The following MCCC2 variants were observed in gnomAD, a reference collection of about 807,000 sequenced individuals.
The protein encoded by MCCC2 is methylcrotonoyl-CoA carboxylase beta chain, mitochondrial.
Under a neutral mutation model 77.2 loss-of-function variants are expected in MCCC2, and 52 were observed. The observed-to-expected ratio is 0.67, with a 90% CI of 0.54 to 0.85. The LOEUF (loss-of-function observed/expected upper bound fraction) is 0.85, where lower values mean the gene tolerates loss of function less well. Ranked by LOEUF, MCCC2 falls within the 40% of genes least tolerant of loss-of-function variation. MCCC2 has a pLI of 0.00. For synonymous variants in MCCC2, 253 were observed against 248.4 expected (o/e 1.02, Z -0.18); for missense variants, 682 against 703.2 (o/e 0.97, Z 0.34).
intron 7 of MCCC2, among the ~76,000 whole-genome samples, chr5:71,630,612 T>G (rs1746676586): frequency 6.6e-6 from 1 of 152,182 alleles, no homozygotes. Flanking sequence ...TATTTTACAC[T>G]AAATGTTTTG....
Position 71,604,404 on chromosome 5 carries a change from A to T in MCCC2, c.560A>T (p.Asp187Val), listed in dbSNP as rs1745583024. ...YLPRQADVFP[D>V]RDHFGRTFYN... is the part of the protein sequence containing the mutation. ...CCTCGACAAGCAGATGTGTTTCCAG[A>T]TCGAGACCACTTTGGCCGTACATTC... is the stretch of plus-strand genomic sequence containing the variant. The change falls in exon 6 of 17, where the codon GAT becomes GTT. Residue 187 changes from aspartate to valine, a missense_variant. Physicochemically the swap from Asp to Val is radical, Grantham distance 152. Coordinates refer to ENST00000340941, the MANE Select transcript of MCCC2 (RefSeq NM_022132.5). 6.2e-7 allele frequency: 1 copy of T among 1,614,148 alleles called. No homozygotes were observed. The highest frequency in any genetic ancestry group is 8.5e-7 in the Non-Finnish European group (1 of 1,180,032).
intron 7 of MCCC2, among the ~76,000 whole-genome samples, chr5:71,630,287 A>G (rs1746664859): frequency 6.6e-6 from 1 of 152,130 alleles, no homozygotes; most frequent in South Asian, 2.1e-4. Flanking sequence ...AGAGTAGTTG[A>G]AAAAAACAGA....
intron 12 of MCCC2, among the ~76,000 whole-genome samples, chr5:71,645,243 T>C (rs1479911077): frequency 6.6e-6 from 1 of 152,310 alleles, no homozygotes; most frequent in South Asian, 2.1e-4. Context: ...CAAAGGTCTA[T>C]GTGATTTTCT....
intron 6 of MCCC2, among the ~76,000 whole-genome samples, chr5:71,620,099 A>G (rs191327712): frequency 3.9e-4 from 59 of 152,310 alleles, no homozygotes; most frequent in Admixed American, 3.6e-3. Context: ...ATTGAGGAGG[A>G]AACAGAACAT....
chr5:71,632,364 T>C (rs1211088588), intron 8 of MCCC2, among the ~76,000 whole-genome samples, 179 bp downstream of exon 8: 1 of 152,210 alleles, frequency 6.6e-6, no homozygotes, highest in East Asian at 1.9e-4. Flanking sequence ...ATTTCCAAGC[T>C]AGAGCATCAG....
chr5:71,634,903 T>A (rs769722652), intron 8 of MCCC2, 40 bp from the exon 9 acceptor site: 1 of 1,565,492 alleles, frequency 6.4e-7, no homozygotes, highest in East Asian at 2.2e-5. Flanking sequence ...ATTATTTTCC[T>A]TTTCCCTGTT....
chr5:71,587,666 G>C (rs1744817988), intron 1 of MCCC2, 112 bp downstream of exon 1: 1 of 1,373,702 alleles, frequency 7.3e-7, no homozygotes, highest in African/African-American at 1.4e-5. Context: ...AGTTGATTCT[G>C]TGACGCACGT....
intron 1 of MCCC2, among the ~76,000 whole-genome samples, chr5:71,592,218 T>TA (rs550283599): frequency 3.3e-5 from 5 of 152,118 alleles, no homozygotes; most frequent in Admixed American, 6.5e-5. Context: ...CGGTCTCTAT[T>TA]AAAAATACAA....
At chr5:71,655,798 A>G (rs536932115) in intron 16 of MCCC2, among the ~76,000 whole-genome samples, 93 of 152,374 alleles carry the variant, frequency 6.1e-4, no homozygotes, top group African/African-American at 2.1e-3. Flanking sequence ...GAGGTTGTCA[A>G]TGAGAAGGAA....
In MCCC2 at chr5:71,619,930, G is replaced by A. The variant is rs376254573; in HGVS notation, c.625-6710G>A. Reference sequence around the variant, plus strand: ...CGCTTGGACCCGGGAGGTGGAGGTCGCAGTGAGCCAAGATCACGCCACTGC... The same window carrying A: ...CGCTTGGACCCGGGAGGTGGAGGTCACAGTGAGCCAAGATCACGCCACTGC... On this transcript the variant is annotated intron_variant, in intron 6 of 16. Coordinates refer to ENST00000340941, the MANE Select transcript of MCCC2 (RefSeq NM_022132.5). 4.3e-4 allele frequency among the ~76,000 whole-genome samples: 66 copies of A among 151,814 alleles called. No individual in the cohort carries two copies. The Middle Eastern group carries it at 0.01, about 23-fold the overall frequency.
At chr5:71,640,976 C>T in intron 10 of MCCC2, 27 bp from the exon 11 acceptor site, 2 of 1,597,208 alleles carry the variant, frequency 1.3e-6, no homozygotes, top group Middle Eastern at 3.3e-4. Context: ...TATAATTTCT[C>T]AAGGCCATTG....
In MCCC2 at chr5:71,656,750, G is replaced by A; in HGVS notation, c.1582G>A (p.Asp528Asn). Residue 528 changes from aspartate (D) to asparagine (N), a missense_variant, in exon 17 of 17, where the codon GAT becomes AAT. By Grantham distance (23) the Asp-to-Asn change is conservative (BLOSUM62 1). Transcript: ENST00000340941. ...TTTTTGTTCTTTTGTCAGGGTATGG[G>A]ATGATGGGATCATTGATCCAGCAGA... ...NPYYSSARVW[D>N]DGIIDPADTR... 1 of 1,613,360 alleles carries A rather than the reference G, an allele frequency of 6.2e-7. No homozygotes were observed. The highest frequency in any genetic ancestry group is 8.5e-7 in the Non-Finnish European group (1 of 1,179,328).
intron 8 of MCCC2, among the ~76,000 whole-genome samples, chr5:71,632,713 A>G (rs556950049): frequency 2.0e-4 from 30 of 152,238 alleles, no homozygotes; most frequent in African/African-American, 7.0e-4. Flanking sequence ...CTGTGGTATG[A>G]GTGATCCCAC....
chr5:71,656,231 TAATAATA>T (rs1183666779), intron 16 of MCCC2, among the ~76,000 whole-genome samples: 1 of 152,032 alleles, frequency 6.6e-6, no homozygotes, highest in Non-Finnish European at 1.5e-5. Context: ...AAAATAATAA[TAATAATA>T]AATAAGATAA....
In MCCC2 at chr5:71,634,807, A is replaced by G; in HGVS notation, c.804-136A>G. ...AGGACTACTTAAGATGACATTTATT[A>G]AAGATGACAAATTTTTTAAGTGTTT... On this transcript the variant is annotated intron_variant, in intron 8 of 16. Coordinates refer to ENST00000340941, the MANE Select transcript of MCCC2 (RefSeq NM_022132.5). 1.2e-5 allele frequency: 9 copies of G among 757,808 alleles called. No homozygotes were observed. In the South Asian group the frequency reaches 1.4e-4, roughly 12 times the overall value. The allele number at this position is 757,808 out of a possible 1,614,324, so 46.9% of individuals were successfully genotyped here.
At chr5:71,646,889 A>G (rs1307336699) in intron 13 of MCCC2, among the ~76,000 whole-genome samples, 1 of 152,082 alleles carries the variant, frequency 6.6e-6, no homozygotes, top group African/African-American at 2.4e-5. Context: ...TTGTACAGTT[A>G]ATTCAACTTA....
chr5:71,610,159 C>T (rs1364978635), intron 6 of MCCC2, among the ~76,000 whole-genome samples: 7 of 152,228 alleles, frequency 4.6e-5, no homozygotes, highest in African/African-American at 1.7e-4. Flanking sequence ...GAGCGCCCCT[C>T]CCCCAGCCTC....
At chr5:71,614,569 C>T (rs1361302888) in intron 6 of MCCC2, among the ~76,000 whole-genome samples, 4 of 151,944 alleles carry the variant, frequency 2.6e-5, no homozygotes, top group African/African-American at 7.2e-5. Context: ...CTGCAACCTC[C>T]GCCTTCCAGG....
At chr5:71,642,256 T>A (rs1276114130) in intron 11 of MCCC2, among the ~76,000 whole-genome samples, 1 of 82,540 alleles carries the variant, frequency 1.2e-5, no homozygotes, top group Admixed American at 1.5e-4. Flanking sequence ...GAGTTGGGGG[T>A]GGGGGTGGCG....
Sources: gnomAD v4.1 joint callset for allele counts (sites outside exome capture counted in the v4.1 genomes callset) on GRCh38, gnomAD v4.1.1 for gene constraint, MANE v1.5 for transcripts, NCBI Gene and HGNC (gene_info 2026-07-23, HGNC 2026-07-21) for gene names.